PCDHA1: variants seen among roughly 807,000 people sequenced by gnomAD.
PCDHA1 encodes protocadherin alpha-1.
In PCDHA1, 42 loss-of-function variants were observed where a neutral mutation model predicts 61.3. The ratio of observed to expected loss-of-function variants is 0.69; its 90% confidence interval spans 0.54 to 0.89. PCDHA1 has a LOEUF of 0.89. Ranked by LOEUF, PCDHA1 falls within the 40% of genes least tolerant of loss-of-function variation. PCDHA1 has a pLI of 0.00. For synonymous variants in PCDHA1, 610 were observed against 553.8 expected (o/e 1.10, Z -1.43); for missense variants, 1,256 against 1,235.3 (o/e 1.02, Z -0.25).
intron 1 of PCDHA1, among the ~76,000 whole-genome samples, chr5:140,942,466 A>G (rs1269455545): frequency 2.0e-5 from 3 of 152,266 alleles, no homozygotes; most frequent in African/African-American, 7.2e-5. Flanking sequence ...TAATACAATC[A>G]AATTCAAGCT....
intron 1 of PCDHA1, chr5:140,871,484 A>T: frequency 6.3e-7 from 1 of 1,592,270 alleles, no homozygotes; most frequent in Non-Finnish European, 8.6e-7. Context: ...GGGTCAAATC[A>T]CCCCGGACAG....
At chr5:140,875,229 T>C (rs893316010) in intron 1 of PCDHA1, 7 of 838,964 alleles carry the variant, frequency 8.3e-6, no homozygotes, top group Non-Finnish European at 1.2e-5. Flanking sequence ...TCAGGATCTT[T>C]CTTGTACTTA....
At chr5:140,902,647 G>T (rs1286700570) in intron 1 of PCDHA1, among the ~76,000 whole-genome samples, 3 of 150,932 alleles carry the variant, frequency 2.0e-5, no homozygotes, top group African/African-American at 7.3e-5. Context: ...CTGAGATTTT[G>T]GTGCACCTGT....
intron 1 of PCDHA1, chr5:140,871,246 C>A: frequency 6.2e-7 from 1 of 1,613,982 alleles, no homozygotes; most frequent in Non-Finnish European, 8.5e-7. Flanking sequence ...ACTCACGCTG[C>A]TGCTGTATAC....
At chr5:140,931,405 G>A (rs1395168165) in intron 1 of PCDHA1, among the ~76,000 whole-genome samples, 1 of 151,984 alleles carries the variant, frequency 6.6e-6, no homozygotes, top group South Asian at 2.1e-4. Flanking sequence ...CGATAGGAAG[G>A]CTGATGAATC....
rs528503686 is a variant in PCDHA1, at chr5:140,807,480, G to A, written c.2394+18796G>A. 18 of 1,613,360 alleles carry A rather than the reference G, an allele frequency of 1.1e-5. No homozygotes were observed. Among genetic ancestry groups the A allele is most frequent in the East Asian group, 2.2e-5 (1 of 44,844 alleles). On this transcript the variant is annotated intron_variant, in intron 1 of 3. Coordinates refer to ENST00000504120, the MANE Select transcript of PCDHA1 (RefSeq NM_018900.4). Reference sequence around the variant, plus strand: ...ATCGACCGGGAGGAGCTGTGCCGGCGGAGCGCGGAGTGCAGCATCCACCTG... The same window carrying A: ...ATCGACCGGGAGGAGCTGTGCCGGCAGAGCGCGGAGTGCAGCATCCACCTG...
At chr5:140,841,429 C>G (rs2150315333) in intron 1 of PCDHA1, 3 of 1,612,842 alleles carry the variant, frequency 1.9e-6, no homozygotes, top group South Asian at 1.1e-5. Flanking sequence ...ACTCCGTCCC[C>G]GAGGAGGCCA....
intron 1 of PCDHA1, chr5:140,822,747 A>C: frequency 6.2e-7 from 1 of 1,613,832 alleles, no homozygotes. Flanking sequence ...CCATGGATAA[A>C]AGTACATTCC....
intron 3 of PCDHA1, among the ~76,000 whole-genome samples, chr5:141,001,985 G>A (rs536683790): frequency 6.6e-5 from 10 of 152,194 alleles, no homozygotes; most frequent in Non-Finnish European, 1.5e-4. Flanking sequence ...GGAAAGCCTG[G>A]AAGTTCACTT....
rs185908462 is a variant in PCDHA1 at position 140,840,862 on chromosome 5, T to C, written c.2394+52178T>C. Among the ~76,000 whole-genome samples, 246 of 152,114 alleles carry C rather than the reference T, an allele frequency of 1.6e-3. 2 individuals carry two copies. The highest frequency in any genetic ancestry group is 5.6e-3 in the African/African-American group (234 of 41,462). ...AATGCATTTCTTCCACACGAAACTA[T>C]GGAGGACAGTTTACATTTCTGATAT... On this transcript the variant is annotated intron_variant, in intron 1 of 3. Transcript: ENST00000504120.
At chr5:140,919,545 T>C (rs572558911) in intron 1 of PCDHA1, among the ~76,000 whole-genome samples, 15 of 152,314 alleles carry the variant, frequency 9.8e-5, no homozygotes, top group African/African-American at 3.6e-4. Flanking sequence ...ACTTTTCATT[T>C]ACTGATTTAT....
chr5:140,989,874 A>C (rs1328387054), intron 3 of PCDHA1, among the ~76,000 whole-genome samples: 1 of 152,098 alleles, frequency 6.6e-6, no homozygotes, highest in Admixed American at 6.6e-5. Context: ...TCTCTGCCTC[A>C]GCACTTGGAG....
intron 1 of PCDHA1, chr5:140,830,332 C>T (rs1483373702): frequency 6.2e-7 from 1 of 1,614,016 alleles, no homozygotes; most frequent in Non-Finnish European, 8.5e-7. Context: ...CAGTGGGGAG[C>T]TGGTCGTACT....
intron 1 of PCDHA1, among the ~76,000 whole-genome samples, chr5:140,941,977 A>G (rs1247578104): frequency 6.6e-6 from 1 of 152,154 alleles, no homozygotes; most frequent in Admixed American, 6.5e-5. Context: ...CTTTCCCTAA[A>G]CCTTGATAAG....
intron 1 of PCDHA1, chr5:140,816,978 A>C (rs1367187399): frequency 6.6e-6 from 1 of 152,086 alleles, no homozygotes; most frequent in Non-Finnish European, 1.5e-5. Flanking sequence ...GCCCACTAAA[A>C]TTCAGGAACT....
At chr5:140,886,605 A>G (rs998772471) in intron 1 of PCDHA1, among the ~76,000 whole-genome samples, 2 of 152,108 alleles carry the variant, frequency 1.3e-5, no homozygotes, top group Non-Finnish European at 2.9e-5. Flanking sequence ...AGGTGGGCGG[A>G]TCAGGAGATC....
At chr5:141,006,353 A>G (rs2098269096) in intron 3 of PCDHA1, among the ~76,000 whole-genome samples, 1 of 151,784 alleles carries the variant, frequency 6.6e-6, no homozygotes, top group Admixed American at 6.6e-5. Flanking sequence ...CTGGGACTAT[A>G]GGCGCCCACC....
intron 1 of PCDHA1, chr5:140,843,519 G>T (rs2150361744): frequency 6.3e-7 from 1 of 1,595,904 alleles, no homozygotes; most frequent in Non-Finnish European, 8.6e-7. Context: ...GGCGGGTGCC[G>T]GGCGGGCAAG....
At chr5:140,811,769 C>T (rs1554125810) in intron 1 of PCDHA1, 1 of 152,180 alleles carries the variant, frequency 6.6e-6, no homozygotes, top group African/African-American at 2.4e-5. Context: ...GGCATTTTTT[C>T]ATGTGTCTGT....
Sources: gnomAD v4.1 joint callset for allele counts (sites outside exome capture counted in the v4.1 genomes callset) on GRCh38, gnomAD v4.1.1 for gene constraint, MANE v1.5 for transcripts, NCBI Gene and HGNC (gene_info 2026-07-23, HGNC 2026-07-21) for gene names.